Variants in SHISA6 observed in about 807,000 individuals in gnomAD.
SHISA6 encodes protein shisa-6.
A neutral mutation model predicts 47.9 loss-of-function variants in SHISA6; 22 were observed. That is an observed-to-expected ratio of 0.46 (90% CI 0.33 to 0.66). The LOEUF is 0.66. Among genes scored for constraint, SHISA6 ranks in the 30% least tolerant of loss-of-function variants. The pLI, the probability that SHISA6 is intolerant of heterozygous loss-of-function variation, is 0.02. For missense variants in SHISA6, 680 were observed against 764.6 expected (o/e 0.89, Z 1.30); for synonymous variants, 388 against 337.8 (o/e 1.15, Z -1.63).
At chr17:11,266,456 G>A (rs17510939) in intron 2 of SHISA6, among the ~76,000 whole-genome samples, 17,288 of 152,248 alleles carry the variant, frequency 0.11, 1,264 homozygotes, top group Middle Eastern at 0.15. Context: ...AGAAGCACTG[G>A]GAAAGCTTGA....
intron 3 of SHISA6, among the ~76,000 whole-genome samples, chr17:11,509,560 A>G (rs1597559365): frequency 6.6e-6 from 1 of 152,130 alleles, no homozygotes; most frequent in African/African-American, 2.4e-5. Flanking sequence ...TCACAGATAT[A>G]CTTTGGCAGC....
chr17:11,316,067 C>T (rs1910502107), intron 2 of SHISA6, among the ~76,000 whole-genome samples: 1 of 152,078 alleles, frequency 6.6e-6, no homozygotes, highest in Non-Finnish European at 1.5e-5. Flanking sequence ...TTCATTGCTA[C>T]TGACACATTA....
At chr17:11,442,863 A>G (rs1915127839) in intron 3 of SHISA6, among the ~76,000 whole-genome samples, 1 of 152,104 alleles carries the variant, frequency 6.6e-6, no homozygotes, top group African/African-American at 2.4e-5. Flanking sequence ...CAGTTTAATG[A>G]TGTCTCACCT....
At chr17:11,544,265 G>T (rs577853165) in intron 3 of SHISA6, among the ~76,000 whole-genome samples, 1 of 152,070 alleles carries the variant, frequency 6.6e-6, no homozygotes, top group Non-Finnish European at 1.5e-5. Context: ...TCTATTAAAA[G>T]GATGACAAGA....
rs529999223 is a variant in SHISA6 at position 11,294,672 on chromosome 17, T to C, written c.799+31146T>C. Among the ~76,000 whole-genome samples, 5 of 152,332 alleles carry C rather than the reference T, an allele frequency of 3.3e-5. No individual in the cohort carries two copies. In the South Asian group the frequency reaches 1.0e-3, roughly 32 times the overall value. On this transcript the variant is annotated intron_variant, in intron 2 of 5. Coordinates refer to ENST00000441885, the MANE Select transcript of SHISA6 (RefSeq NM_207386.4). Reference sequence around the variant, plus strand: ...CAGTATTCCTCCCTATCTGAGGGGCTATGTACGTTCCAAGACCCCCAAGAC... The same window carrying C: ...CAGTATTCCTCCCTATCTGAGGGGCCATGTACGTTCCAAGACCCCCAAGAC...
At chr17:11,503,764 G>T (rs990472184) in intron 3 of SHISA6, among the ~76,000 whole-genome samples, 4 of 152,198 alleles carry the variant, frequency 2.6e-5, no homozygotes, top group Admixed American at 6.5e-5. Context: ...TCTGCTGTCT[G>T]TATCCTATGC....
chr17:11,296,366 C>A, intron 2 of SHISA6, among the ~76,000 whole-genome samples: 1 of 152,138 alleles, frequency 6.6e-6, no homozygotes, highest in Middle Eastern at 3.4e-3. Context: ...TGGAAAGGAG[C>A]GTGCAGAGAA....
chr17:11,334,509 A>G (rs764644), intron 2 of SHISA6, among the ~76,000 whole-genome samples: 30,996 of 152,106 alleles, frequency 0.2, 3,252 homozygotes, highest in South Asian at 0.28. Flanking sequence ...GGTGGCTGCA[A>G]CACAACTTAT....
chr17:11,338,241 C>CCT (rs1911390895), intron 2 of SHISA6, among the ~76,000 whole-genome samples: 1 of 152,186 alleles, frequency 6.6e-6, no homozygotes, highest in Admixed American at 6.5e-5. Flanking sequence ...GGAGCACTCT[C>CCT]CTCTCTCCCC....
chr17:11,308,873 G>T (rs958488819), intron 2 of SHISA6, among the ~76,000 whole-genome samples: 3 of 152,096 alleles, frequency 2.0e-5, no homozygotes, highest in Admixed American at 2.0e-4. Flanking sequence ...AAATTAGTTC[G>T]GTAAACCTGT....
chr17:11,504,496 ATTG>A (rs2071481959), intron 3 of SHISA6, among the ~76,000 whole-genome samples: 1 of 152,178 alleles, frequency 6.6e-6, no homozygotes, highest in Non-Finnish European at 1.5e-5. Flanking sequence ...ACATGATCCT[ATTG>A]TTAAGAAGTG....
intron 2 of SHISA6, among the ~76,000 whole-genome samples, chr17:11,292,884 G>A (rs1909603014): frequency 6.7e-6 from 1 of 148,982 alleles, no homozygotes; most frequent in African/African-American, 2.5e-5. Flanking sequence ...GAGTGCAATG[G>A]CATGATCTTG....
At chr17:11,315,367 C>T (rs1177657588) in intron 2 of SHISA6, among the ~76,000 whole-genome samples, 1 of 152,034 alleles carries the variant, frequency 6.6e-6, no homozygotes, top group Non-Finnish European at 1.5e-5. Context: ...AGTAAACTGT[C>T]GTATCACCTG....
chr17:11,334,949 G>A (rs930595219), intron 2 of SHISA6, among the ~76,000 whole-genome samples: 1 of 152,214 alleles, frequency 6.6e-6, no homozygotes, highest in Non-Finnish European at 1.5e-5. Flanking sequence ...GCACCTGCAC[G>A]AGGCTGGGCA....
intron 1 of SHISA6, among the ~76,000 whole-genome samples, chr17:11,262,928 A>G (rs1161735794): frequency 1.3e-5 from 2 of 152,180 alleles, no homozygotes; most frequent in African/African-American, 4.8e-5. Flanking sequence ...TATCTAGTAC[A>G]TGATACTCAG....
intron 1 of SHISA6, 67 bp downstream of exon 1, chr17:11,242,127 G>A: frequency 6.5e-7 from 1 of 1,538,064 alleles, no homozygotes; most frequent in Non-Finnish European, 8.7e-7. Context: ...TGCTTCCCCT[G>A]TCCTCTTCAC....
intron 3 of SHISA6, among the ~76,000 whole-genome samples, chr17:11,459,561 T>C (rs1172271422): frequency 6.6e-6 from 1 of 152,182 alleles, no homozygotes; most frequent in Non-Finnish European, 1.5e-5. Flanking sequence ...TCAAGACCTC[T>C]TTCTGCCTGG....
intron 3 of SHISA6, among the ~76,000 whole-genome samples, chr17:11,460,698 C>T (rs1915669075): frequency 6.6e-6 from 1 of 152,144 alleles, no homozygotes; most frequent in Admixed American, 6.5e-5. Flanking sequence ...TTTTATGCAT[C>T]ACCCTTCTGA....
At chr17:11,437,730 C>T (rs530355314) in intron 3 of SHISA6, among the ~76,000 whole-genome samples, 2 of 152,268 alleles carry the variant, frequency 1.3e-5, no homozygotes, top group South Asian at 4.2e-4. Flanking sequence ...TCTTTAATGC[C>T]ATGTGTTTCT....
Sources: allele counts gnomAD v4.1 joint callset (sites outside exome capture counted in the v4.1 genomes callset), GRCh38; gene constraint gnomAD v4.1.1; transcripts MANE v1.5; gene names NCBI Gene and HGNC (gene_info 2026-07-23, HGNC 2026-07-21).